Variants in CPQ observed in about 807,000 individuals in gnomAD.
The protein encoded by CPQ is carboxypeptidase Q.
A neutral mutation model predicts 45.7 loss-of-function variants in CPQ; 37 were observed. The observed-to-expected ratio is 0.81, with a 90% CI of 0.62 to 1.07. The LOEUF (loss-of-function observed/expected upper bound fraction) is 1.07. CPQ is among the 50% of genes least tolerant of loss of function. The pLI is 0.00. For synonymous variants in CPQ, 186 were observed against 205.8 expected (o/e 0.90, Z 0.82); for missense variants, 537 against 572.9 (o/e 0.94, Z 0.64).
chr8:96,958,530 C>T (rs1373814699), intron 4 of CPQ, among the ~76,000 whole-genome samples: 3 of 152,174 alleles, frequency 2.0e-5, no homozygotes, highest in African/African-American at 7.2e-5. Context: ...TGGTTTCCTT[C>T]CATAGACATT....
intron 1 of CPQ, among the ~76,000 whole-genome samples, chr8:96,678,758 CTTT>C (rs71267274): frequency 8.7e-6 from 1 of 114,878 alleles, no homozygotes. Context: ...ATTATTTGGG[CTTT>C]TTTTTTTTTT....
At chr8:96,836,476 G>A (rs1016198550) in intron 3 of CPQ, among the ~76,000 whole-genome samples, 18 of 152,042 alleles carry the variant, frequency 1.2e-4, no homozygotes, top group Middle Eastern at 3.2e-3. Flanking sequence ...TGTTCTTTGC[G>A]GGGTCTTTAG....
chr8:96,680,355 A>G (rs1335924569), intron 1 of CPQ: 1 of 152,110 alleles, frequency 6.6e-6, no homozygotes, highest in Non-Finnish European at 1.5e-5. Context: ...ACTCAGTGGG[A>G]GGTAATTGAA....
chr8:96,728,011 T>C (rs1336320614), intron 1 of CPQ, among the ~76,000 whole-genome samples: 2 of 152,206 alleles, frequency 1.3e-5, no homozygotes, highest in Non-Finnish European at 2.9e-5. Context: ...CTTTGGCTTA[T>C]CTGCCTTTTG....
chr8:96,968,400 A>G (rs1273823411), intron 5 of CPQ, among the ~76,000 whole-genome samples: 2 of 152,206 alleles, frequency 1.3e-5, no homozygotes, highest in African/African-American at 2.4e-5. Flanking sequence ...TAGATTGCCT[A>G]TGTATTTTAA....
chr8:96,943,738 G>A (rs1230211527), intron 4 of CPQ, among the ~76,000 whole-genome samples: 1 of 152,126 alleles, frequency 6.6e-6, no homozygotes, highest in Non-Finnish European at 1.5e-5. Flanking sequence ...TGTGAGAAGT[G>A]TTGTAGCTTT....
intron 4 of CPQ, among the ~76,000 whole-genome samples, chr8:96,890,441 T>C (rs1003863999): frequency 1.3e-5 from 2 of 152,182 alleles, no homozygotes; most frequent in Admixed American, 6.5e-5. Flanking sequence ...GACCCAAACC[T>C]TCACTCCTGA....
chr8:97,061,996 C>A lies in CPQ; in HGVS notation c.1054-4013C>A, dbSNP rs190751120. Reference sequence around the variant, plus strand: ...GCTAAAATGGCTGCCACATATATAGCCTAGGGCACCTTTGAAACCTTCTTT... The same window carrying A: ...GCTAAAATGGCTGCCACATATATAGACTAGGGCACCTTTGAAACCTTCTTT... On this transcript the variant is annotated intron_variant, in intron 6 of 7. Coordinates refer to ENST00000220763, the MANE Select transcript of CPQ (RefSeq NM_016134.4). 1.6e-3 allele frequency among the ~76,000 whole-genome samples: 251 copies of A among 152,228 alleles called. 3 individuals are homozygous for A. The highest frequency in any genetic ancestry group is 0.013 in the Admixed American group (194 of 15,276).
intron 1 of CPQ, among the ~76,000 whole-genome samples, chr8:96,694,885 T>G (rs1022705827): frequency 1.3e-5 from 2 of 152,156 alleles, no homozygotes; most frequent in African/African-American, 4.8e-5. Context: ...TCCAATTCTG[T>G]GAAGAAAGTC....
At chr8:96,924,061 T>C (rs1812842426) in intron 4 of CPQ, among the ~76,000 whole-genome samples, 1 of 152,178 alleles carries the variant, frequency 6.6e-6, no homozygotes, top group South Asian at 2.1e-4. Context: ...GCCTTAGTAC[T>C]GGAGAGAGCC....
intron 1 of CPQ, among the ~76,000 whole-genome samples, chr8:96,748,021 G>A (rs1325913550): frequency 1.3e-5 from 2 of 152,134 alleles, no homozygotes; most frequent in African/African-American, 2.4e-5. Flanking sequence ...AGAGCCTTTA[G>A]TGATTTTAAA....
chr8:96,883,872 T>G (rs1187140747), intron 4 of CPQ, among the ~76,000 whole-genome samples: 1 of 152,212 alleles, frequency 6.6e-6, no homozygotes, highest in Non-Finnish European at 1.5e-5. Flanking sequence ...TCTTTTCCTT[T>G]TTCCCGCCCT....
At chr8:97,076,008 T>C (rs1810839544) in intron 7 of CPQ, among the ~76,000 whole-genome samples, 1 of 152,084 alleles carries the variant, frequency 6.6e-6, no homozygotes, top group Non-Finnish European at 1.5e-5. Flanking sequence ...TATTTGTTTT[T>C]GTTTTTGTTG....
chr8:97,043,224 C>G (rs2130493316), intron 6 of CPQ, among the ~76,000 whole-genome samples: 1 of 152,034 alleles, frequency 6.6e-6, no homozygotes, highest in Non-Finnish European at 1.5e-5. Context: ...TGAATTGATC[C>G]CTTTACCATT....
At chr8:97,031,358 T>G (rs1411195662) in intron 6 of CPQ, among the ~76,000 whole-genome samples, 1 of 152,084 alleles carries the variant, frequency 6.6e-6, no homozygotes, top group South Asian at 2.1e-4. Context: ...AGCTAATTTT[T>G]TGTACTTTTA....
At chr8:96,884,498 G>A (rs984101035) in intron 4 of CPQ, among the ~76,000 whole-genome samples, 5 of 152,162 alleles carry the variant, frequency 3.3e-5, no homozygotes, top group Non-Finnish European at 7.3e-5. Context: ...GCTGAGGTGA[G>A]TAATCAGAGG....
intron 4 of CPQ, among the ~76,000 whole-genome samples, chr8:96,896,030 G>T (rs112284101): frequency 1.3e-5 from 2 of 151,978 alleles, no homozygotes; most frequent in African/African-American, 2.4e-5. Context: ...CTCCATTTGT[G>T]TATTTTCATA....
At position 96,740,327 on chromosome 8, in the gene CPQ, T is replaced by C. The variant is rs536365784; in HGVS notation, c.-34-44537T>C. Among the ~76,000 whole-genome samples, 531 of 152,344 alleles carry C rather than the reference T, an allele frequency of 3.5e-3. 4 individuals carry two copies. The highest frequency in any genetic ancestry group is 0.012 in the African/African-American group (502 of 41,572). ...ACCTTGATTTTTTATCCTGAGACTT[T>C]GCTGAAGTTGCTTATCAGCTTAAGG... On this transcript the variant is annotated intron_variant, in intron 1 of 7. Transcript: ENST00000220763.
chr8:96,907,690 G>A (rs1255350888), intron 4 of CPQ, among the ~76,000 whole-genome samples: 1 of 151,922 alleles, frequency 6.6e-6, no homozygotes, highest in Non-Finnish European at 1.5e-5. Context: ...CTCTCTATGG[G>A]CTTATATCTA....
Sources: allele counts gnomAD v4.1 joint callset (sites outside exome capture counted in the v4.1 genomes callset), GRCh38; gene constraint gnomAD v4.1.1; transcripts MANE v1.5; gene names NCBI Gene and HGNC (gene_info 2026-07-23, HGNC 2026-07-21).